The following MAGI2 variants were observed in gnomAD, a reference collection of about 807,000 sequenced individuals.
The protein encoded by MAGI2 is membrane-associated guanylate kinase, WW and PDZ domain-containing protein 2.
In MAGI2, 35 loss-of-function variants were observed where a neutral mutation model predicts 133.3. The ratio of observed to expected loss-of-function variants is 0.26; its 90% CI spans 0.20 to 0.35. The LOEUF (loss-of-function observed/expected upper bound fraction) is 0.35, where lower values mean the gene tolerates loss of function less well. Among genes scored for constraint, MAGI2 ranks in the 10% least tolerant of loss-of-function variants. The pLI is 1.00. For missense variants in MAGI2, 1,636 were observed against 1,863.4 expected (o/e 0.88, Z 2.25); for synonymous variants, 729 against 710.6 (o/e 1.03, Z -0.41).
intron 20 of MAGI2, 87 bp downstream of exon 20, chr7:78,125,607 T>C (rs1342782419): frequency 2.1e-6 from 3 of 1,431,114 alleles, no homozygotes; most frequent in African/African-American, 2.8e-5. Flanking sequence ...GCAACCCCGC[T>C]TGACAGCATG....
At chr7:79,263,584 G>A (rs1834225978) in intron 1 of MAGI2, among the ~76,000 whole-genome samples, 1 of 152,090 alleles carries the variant, frequency 6.6e-6, no homozygotes, top group Admixed American at 6.6e-5. Flanking sequence ...AATTCTATAT[G>A]TGTTATCACT....
At chr7:78,839,399 T>G (rs1434007023) in intron 2 of MAGI2, among the ~76,000 whole-genome samples, 1 of 152,120 alleles carries the variant, frequency 6.6e-6, no homozygotes, top group East Asian at 1.9e-4. Flanking sequence ...TAACCATGTT[T>G]ACTAATGTGT....
chr7:78,531,227 T>C (rs1195590085), intron 3 of MAGI2, among the ~76,000 whole-genome samples: 1 of 151,128 alleles, frequency 6.6e-6, no homozygotes, highest in Non-Finnish European at 1.5e-5. Context: ...TTTTTTTTTT[T>C]TTTTTGAGAC....
At chr7:78,721,276 TATGTATATGCCCAGA>T (rs967879623) in intron 2 of MAGI2, among the ~76,000 whole-genome samples, 9 of 151,996 alleles carry the variant, frequency 5.9e-5, no homozygotes, top group Non-Finnish European at 8.8e-5. Flanking sequence ...ACTGTATATG[TATGTATATGCCCAGA>T]ATGTATATGC....
intron 1 of MAGI2, chr7:79,125,656 A>G (rs1820348681): frequency 3.8e-6 from 2 of 529,538 alleles, no homozygotes; most frequent in East Asian, 1.0e-4. Flanking sequence ...GGAAATTACA[A>G]CAATCAATCT....
chr7:78,792,504 C>T (rs1432729787), intron 2 of MAGI2, among the ~76,000 whole-genome samples: 1 of 152,168 alleles, frequency 6.6e-6, no homozygotes, highest in Admixed American at 6.5e-5. Context: ...AGAAGCCGAT[C>T]ATGGTTACAG....
rs191575311 is a variant in MAGI2, at chr7:79,297,048, C to A, written c.301+155972G>T. On this transcript the variant is annotated intron_variant, in intron 1 of 21. Coordinates refer to ENST00000354212, the MANE Select transcript of MAGI2 (RefSeq NM_012301.4). ...TAAATAAAGTAAAACAAAAAATAAC[C>A]CTTAAGTATTTCATTAAGTTGAAAC... is the stretch of plus-strand genomic sequence containing the variant. Among the ~76,000 whole-genome samples, 192 of 152,056 alleles carry A rather than the reference C, an allele frequency of 1.3e-3. 1 individual carries two copies. The highest frequency in any genetic ancestry group is 4.4e-3 in the African/African-American group (181 of 41,490).
intron 9 of MAGI2, among the ~76,000 whole-genome samples, chr7:78,306,978 T>C (rs1383186404): frequency 4.6e-5 from 7 of 152,280 alleles, no homozygotes. Context: ...TAAACCATCA[T>C]TGCCATTATT....
chr7:79,054,553 C>G (rs1208305513), intron 1 of MAGI2, among the ~76,000 whole-genome samples: 1 of 152,154 alleles, frequency 6.6e-6, no homozygotes, highest in Non-Finnish European at 1.5e-5. Context: ...AGTGAACTGT[C>G]TCTCCCATTC....
Position 79,007,106 on chromosome 7 carries a change from G to A in MAGI2, c.402C>T (p.Tyr134=). Residue 134 remains tyrosine (Y), a synonymous_variant, in exon 2 of 22, where the codon TAC becomes TAT. Transcript: ENST00000354212. ...TGTACTCACATGGCACCGTGCGGAGGTAGAGGTTGTCACGAATGATTTGCT... is the reference window on the plus strand; with the variant it reads ...TGTACTCACATGGCACCGTGCGGAGATAGAGGTTGTCACGAATGATTTGCT... ...ELQQIIRDNL[Y]LRTVPCTTRP... 6.2e-7 allele frequency: 1 copy of A among 1,611,872 alleles called. No individual in the cohort carries two copies. The highest frequency in any genetic ancestry group is 8.5e-7 in the Non-Finnish European group (1 of 1,178,752).
intron 1 of MAGI2, among the ~76,000 whole-genome samples, chr7:79,042,583 A>G (rs960691633): frequency 5.3e-5 from 8 of 152,202 alleles, no homozygotes; most frequent in Non-Finnish European, 7.3e-5. Flanking sequence ...AAGCACCCAG[A>G]TTCATAAAAT....
intron 2 of MAGI2, among the ~76,000 whole-genome samples, chr7:78,818,076 G>A (rs1398356794): frequency 6.6e-6 from 1 of 152,132 alleles, no homozygotes; most frequent in Non-Finnish European, 1.5e-5. Flanking sequence ...GCCAGATCCA[G>A]TTCTATTCTA....
intron 3 of MAGI2, among the ~76,000 whole-genome samples, chr7:78,599,708 C>T (rs1804981538): frequency 6.6e-6 from 1 of 152,180 alleles, no homozygotes. Flanking sequence ...CCATGTCTGA[C>T]TTCAATTATT....
At chr7:78,242,913 A>C (rs1188757804) in intron 10 of MAGI2, among the ~76,000 whole-genome samples, 1 of 152,034 alleles carries the variant, frequency 6.6e-6, no homozygotes, top group East Asian at 1.9e-4. Context: ...TGTTACAAAA[A>C]ATACAAAAAT....
rs138207693 is a variant in MAGI2, at chr7:79,378,624, C to A, written c.301+74396G>T. 5.5e-3 allele frequency among the ~76,000 whole-genome samples: 827 copies of A among 151,546 alleles called. 11 individuals are homozygous for A. The highest frequency in any genetic ancestry group is 6.3e-3 in the Non-Finnish European group (428 of 67,760). On this transcript the variant is annotated intron_variant, in intron 1 of 21. Coordinates refer to ENST00000354212, the MANE Select transcript of MAGI2 (RefSeq NM_012301.4). ...ATTAACATCAATTTTTCTACATATT[C>A]TCTAACCATTAAATTCATAATTCCT...
intron 1 of MAGI2, among the ~76,000 whole-genome samples, chr7:79,205,368 G>C (rs1828954518): frequency 6.6e-6 from 1 of 151,878 alleles, no homozygotes; most frequent in Admixed American, 6.6e-5. Flanking sequence ...AATCTGTCAA[G>C]TAAAAATACT....
intron 2 of MAGI2, among the ~76,000 whole-genome samples, chr7:78,776,898 C>G (rs1186754680): frequency 6.6e-6 from 1 of 152,172 alleles, no homozygotes; most frequent in Non-Finnish European, 1.5e-5. Context: ...TGAGCATAAA[C>G]TAAATGATTG....
intron 2 of MAGI2, among the ~76,000 whole-genome samples, chr7:78,997,605 TAA>T (rs746487330): frequency 3.2e-4 from 38 of 119,426 alleles, no homozygotes; most frequent in South Asian, 2.7e-4. Context: ...CCATCTCAAT[TAA>T]AAAAAAAAAA....
At chr7:79,187,911 A>ATTGTATGTT (rs1827307488) in intron 1 of MAGI2, among the ~76,000 whole-genome samples, 1 of 151,862 alleles carries the variant, frequency 6.6e-6, no homozygotes, top group Non-Finnish European at 1.5e-5. Flanking sequence ...TGCAAAAAAA[A>ATTGTATGTT]TTGTATGTTT....
Sources: gnomAD v4.1 joint callset for allele counts (sites outside exome capture counted in the v4.1 genomes callset) on GRCh38, gnomAD v4.1.1 for gene constraint, MANE v1.5 for transcripts, NCBI Gene and HGNC (gene_info 2026-07-23, HGNC 2026-07-21) for gene names.